The following NLGN1 variants were observed in gnomAD, a reference collection of about 807,000 sequenced individuals.
NLGN1 encodes neuroligin-1.
Under a neutral mutation model 65.5 loss-of-function variants are expected in NLGN1, and 12 were observed. The observed-to-expected ratio is 0.18, with a 90% confidence interval of 0.12 to 0.30. NLGN1 has a LOEUF of 0.30. NLGN1 is among the 10% of genes least tolerant of loss of function. The pLI is 1.00. For missense variants in NLGN1, 750 were observed against 1,007.1 expected (o/e 0.74, Z 3.46); for synonymous variants, 350 against 359.5 (o/e 0.97, Z 0.30).
At chr3:173,854,916 C>T (rs1352870462) in intron 4 of NLGN1, among the ~76,000 whole-genome samples, 18 of 152,030 alleles carry the variant, frequency 1.2e-4, no homozygotes, top group Admixed American at 1.2e-3. Context: ...AAAAATCATA[C>T]TACAAGATAC....
intron 4 of NLGN1, among the ~76,000 whole-genome samples, chr3:174,247,425 C>T (rs2152838354): frequency 6.6e-6 from 1 of 152,248 alleles, no homozygotes; most frequent in South Asian, 2.1e-4. Flanking sequence ...AAAGATAAAC[C>T]TACCTACGTT....
At chr3:173,477,151 CAATGT>C (rs1576878431) in intron 2 of NLGN1, among the ~76,000 whole-genome samples, 1 of 151,864 alleles carries the variant, frequency 6.6e-6, no homozygotes, top group East Asian at 1.9e-4. Context: ...TTTCTAGTAA[CAATGT>C]AATGTAAGTG....
chr3:174,194,311 G>A (rs1298689336), intron 4 of NLGN1, among the ~76,000 whole-genome samples: 1 of 151,922 alleles, frequency 6.6e-6, no homozygotes, highest in Non-Finnish European at 1.5e-5. Context: ...AATTAGCTGG[G>A]CGTGGTGGTG....
At chr3:173,514,828 G>A (rs773148485) in intron 2 of NLGN1, among the ~76,000 whole-genome samples, 2 of 152,140 alleles carry the variant, frequency 1.3e-5, no homozygotes, top group Non-Finnish European at 2.9e-5. Context: ...TGTCACATAT[G>A]GCAGCATTTC....
rs59998502 is a variant in NLGN1, at chr3:173,709,803, C to CAAAAA, written c.494-97857_494-97853dup. ...GGGCAACGAGAGCGAAACTCTATCT[C>CAAAAA]AAAAAAAAAAAAAAAAAAAAAAAAT... On this transcript the variant is annotated intron_variant, in intron 3 of 6. Coordinates refer to ENST00000457714, the Ensembl canonical transcript of NLGN1. 8.2e-3 allele frequency among the ~76,000 whole-genome samples: 569 copies of CAAAAA among 69,228 alleles called. 20 individuals carry two copies. Among genetic ancestry groups the CAAAAA allele is most frequent in the African/African-American group, 0.025 (444 of 17,926 alleles). 45.4% of individuals were successfully genotyped at this position (69,228 alleles called of 152,430 possible).
intron 3 of NLGN1, among the ~76,000 whole-genome samples, chr3:173,697,535 C>CT (rs902351755): frequency 3.2e-4 from 47 of 148,142 alleles, no homozygotes; most frequent in Non-Finnish European, 3.7e-4. Context: ...GAAAGATTTT[C>CT]TTTTTTTTTT....
chr3:173,523,115 A>T (rs1479538493), intron 2 of NLGN1, among the ~76,000 whole-genome samples: 1 of 127,364 alleles, frequency 7.9e-6, no homozygotes, highest in African/African-American at 3.0e-5. Context: ...ATTCTAAAAA[A>T]TGAGGTTATT....
chr3:173,456,716 C>T (rs184963370), intron 2 of NLGN1, among the ~76,000 whole-genome samples: 3 of 151,986 alleles, frequency 2.0e-5, no homozygotes, highest in Admixed American at 6.6e-5. Flanking sequence ...AAAGCCAAGC[C>T]ATTACTACCC....
intron 4 of NLGN1, among the ~76,000 whole-genome samples, chr3:174,252,379 A>G (rs912710832): frequency 6.6e-6 from 1 of 152,212 alleles, no homozygotes; most frequent in Non-Finnish European, 1.5e-5. Context: ...AGGAGAGGAA[A>G]TGTATAAAAT....
intron 4 of NLGN1, among the ~76,000 whole-genome samples, chr3:174,048,543 T>A (rs547816751): frequency 6.6e-6 from 1 of 151,316 alleles, no homozygotes; most frequent in Admixed American, 6.6e-5. Flanking sequence ...TGAAAAAAAA[T>A]GTAGGTCCGT....
At chr3:173,772,375 C>T (rs1329395922) in intron 3 of NLGN1, among the ~76,000 whole-genome samples, 3 of 151,916 alleles carry the variant, frequency 2.0e-5, no homozygotes, top group Non-Finnish European at 2.9e-5. Context: ...CCCAGCACTT[C>T]GGGAGGCTGA....
At chr3:174,292,021 A>G in the NLGN1 span, among the ~76,000 whole-genome samples, 1 of 151,242 alleles carries the variant, frequency 6.6e-6, no homozygotes, top group African/African-American at 2.4e-5. Flanking sequence ...TGTGTAACAC[A>G]GAATACAGCA....
At chr3:173,947,563 C>T (rs995088778) in intron 4 of NLGN1, among the ~76,000 whole-genome samples, 3 of 152,132 alleles carry the variant, frequency 2.0e-5, no homozygotes, top group African/African-American at 7.2e-5. Context: ...TCATAACGTG[C>T]TGCCAAACAT....
intron 4 of NLGN1, among the ~76,000 whole-genome samples, chr3:174,187,401 A>G (rs1239836518): frequency 1.3e-5 from 2 of 152,048 alleles, no homozygotes; most frequent in African/African-American, 4.8e-5. Context: ...CCCCTGGTGG[A>G]GGATGAGAGA....
At chr3:173,605,335 T>C (rs770759444) in intron 3 of NLGN1, among the ~76,000 whole-genome samples, 199 bp from the exon 3 acceptor site, 9 of 152,084 alleles carry the variant, frequency 5.9e-5, no homozygotes, top group Non-Finnish European at 1.2e-4. Context: ...AGAAATGGGT[T>C]TCTAATTTCC....
At chr3:174,146,143 TCCTTCCTTCCTCTC>T (rs1434776422) in intron 4 of NLGN1, among the ~76,000 whole-genome samples, 12 of 136,240 alleles carry the variant, frequency 8.8e-5, no homozygotes, top group African/African-American at 3.9e-4. Flanking sequence ...CTTCCTTCCT[TCCTTCCTTCCTCTC>T]TCCCTCCCTC....
chr3:174,184,743 T>A (rs1731084938), intron 4 of NLGN1, among the ~76,000 whole-genome samples: 1 of 152,168 alleles, frequency 6.6e-6, no homozygotes, highest in African/African-American at 2.4e-5. Context: ...AACAGTGGGA[T>A]CAGTGAGAAA....
intron 2 of NLGN1, among the ~76,000 whole-genome samples, chr3:173,555,465 CT>C (rs1384986190): frequency 1.3e-5 from 2 of 152,068 alleles, no homozygotes; most frequent in Admixed American, 6.6e-5. Flanking sequence ...CCTTCTCAAC[CT>C]TTTTTTATTT....
intron 2 of NLGN1, among the ~76,000 whole-genome samples, chr3:173,497,760 CAAT>C (rs1436752868): frequency 6.6e-6 from 1 of 151,566 alleles, no homozygotes; most frequent in East Asian, 1.9e-4. Flanking sequence ...GAAAAAAAAT[CAAT>C]ATTCAAGGCC....
Sources: allele counts gnomAD v4.1 joint callset (sites outside exome capture counted in the v4.1 genomes callset), GRCh38; gene constraint gnomAD v4.1.1; transcripts MANE v1.5; gene names NCBI Gene and HGNC (gene_info 2026-07-23, HGNC 2026-07-21).